Variants in PRIM2 observed in about 807,000 individuals in gnomAD.
PRIM2 encodes DNA primase subunit 2.
In PRIM2, 39 loss-of-function variants were observed where a neutral mutation model predicts 67.3. The ratio of observed to expected loss-of-function variants is 0.58; its 90% confidence interval spans 0.45 to 0.76. PRIM2 has a LOEUF of 0.76. PRIM2 is among the 30% of genes least tolerant of loss of function. PRIM2 has a pLI of 0.00. For missense variants in PRIM2, 398 were observed against 598.7 expected, an observed-to-expected ratio of 0.66 and a Z score of 3.50; for synonymous variants, 143 against 198.7, an observed-to-expected ratio of 0.72 and a Z score of 2.36.
chr6:57,620,195 C>G (rs1776826945), intron 12 of PRIM2, among the ~76,000 whole-genome samples: 1 of 151,364 alleles, frequency 6.6e-6, no homozygotes, highest in Non-Finnish European at 1.5e-5. Context: ...GACTCCATCT[C>G]AAAAAAAAGA....
chr6:57,446,730 G>T (rs1772380328), intron 7 of PRIM2, among the ~76,000 whole-genome samples: 2 of 152,134 alleles, frequency 1.3e-5, no homozygotes, highest in African/African-American at 4.8e-5. Context: ...CCTGTGTAAG[G>T]ATTGGGAATG....
At chr6:57,431,777 C>T (rs62401705) in intron 7 of PRIM2, among the ~76,000 whole-genome samples, 1 of 152,136 alleles carries the variant, frequency 6.6e-6, no homozygotes, top group Non-Finnish European at 1.5e-5. Flanking sequence ...ATATTGTGGC[C>T]TAGGTCTAGT....
the PRIM2 span, among the ~76,000 whole-genome samples, chr6:57,279,075 T>G: frequency 6.6e-6 from 1 of 152,222 alleles, no homozygotes; most frequent in South Asian, 2.1e-4. Context: ...GCTTATAGTG[T>G]TCATTCTCCT....
intron 10 of PRIM2, among the ~76,000 whole-genome samples, chr6:57,550,252 A>C (rs1255596628): frequency 6.6e-6 from 1 of 152,194 alleles, no homozygotes; most frequent in South Asian, 2.1e-4. Context: ...TCTCTTATAA[A>C]TATTTTGGTG....
At chr6:57,574,098 T>C (rs1402989187) in intron 10 of PRIM2, among the ~76,000 whole-genome samples, 2 of 152,176 alleles carry the variant, frequency 1.3e-5, no homozygotes, top group Admixed American at 1.3e-4. Context: ...CAGCCTCCGA[T>C]TGGCCATGAG....
chr6:57,585,171 G>A (rs1159666659), intron 10 of PRIM2, among the ~76,000 whole-genome samples: 10 of 152,140 alleles, frequency 6.6e-5, no homozygotes, highest in Admixed American at 6.6e-4. Context: ...TGAAGAAGCT[G>A]GAGGCAAAAT....
At chr6:57,320,076 A>T (rs1767600396) in intron 2 of PRIM2, among the ~76,000 whole-genome samples, 1 of 152,170 alleles carries the variant, frequency 6.6e-6, no homozygotes, top group South Asian at 2.1e-4. Context: ...TTTCTGTTGA[A>T]TCTATGCCAA....
intron 5 of PRIM2, among the ~76,000 whole-genome samples, chr6:57,332,367 A>G (rs1768081016): frequency 6.6e-6 from 1 of 152,134 alleles, no homozygotes; most frequent in South Asian, 2.1e-4. Context: ...TGTTCTGTAG[A>G]TACAGTCTGT....
chr6:57,343,190 A>G (rs1181085125), intron 5 of PRIM2, among the ~76,000 whole-genome samples: 1 of 152,140 alleles, frequency 6.6e-6, no homozygotes, highest in Non-Finnish European at 1.5e-5. Flanking sequence ...TTGGCCTTAA[A>G]TAGTCATAGT....
chr6:57,240,194 C>T, the PRIM2 span, among the ~76,000 whole-genome samples: 2 of 147,640 alleles, frequency 1.4e-5, no homozygotes, highest in African/African-American at 2.5e-5. Context: ...CTCTGCCTCC[C>T]GGGTTCAAGC....
intron 5 of PRIM2, among the ~76,000 whole-genome samples, chr6:57,377,634 A>G (rs1469060553): frequency 1.3e-5 from 2 of 152,100 alleles, no homozygotes; most frequent in Non-Finnish European, 2.9e-5. Flanking sequence ...TTCATCCTCA[A>G]GTAATTGTTC....
At chr6:57,642,435 CTTTTTTTT>C (rs1156576933) in intron 13 of PRIM2, among the ~76,000 whole-genome samples, 11,775 of 83,668 alleles carry the variant, frequency 0.14, 605 homozygotes, top group Middle Eastern at 0.28. Flanking sequence ...AATATTATAT[CTTTTTTTT>C]TTTTTTTTTT....
the PRIM2 span, among the ~76,000 whole-genome samples, chr6:57,296,966 T>G: frequency 6.6e-6 from 1 of 151,992 alleles, no homozygotes; most frequent in Non-Finnish European, 1.5e-5. Context: ...TTGGGCATAA[T>G]TTAAACAAAA....
intron 7 of PRIM2, among the ~76,000 whole-genome samples, chr6:57,416,753 G>T (rs1377891405): frequency 6.6e-6 from 1 of 152,082 alleles, no homozygotes; most frequent in African/African-American, 2.4e-5. Flanking sequence ...ATGTTATAGA[G>T]ATGGCTGCTC....
chr6:57,315,650 A>C (rs1281297876), upstream of PRIM2, among the ~76,000 whole-genome samples: 2 of 152,044 alleles, frequency 1.3e-5, no homozygotes, highest in African/African-American at 2.4e-5. Flanking sequence ...TTTGTGTCTT[A>C]GGATTTTTTT....
chr6:57,272,788 T>C, the PRIM2 span, among the ~76,000 whole-genome samples: 11 of 152,210 alleles, frequency 7.2e-5, no homozygotes, highest in Non-Finnish European at 1.5e-4. Flanking sequence ...CCATGTTTAG[T>C]GCTTCCTTCA....
chr6:57,446,280 GTTTTTTTTGTTTTT>G (rs1772360070), intron 7 of PRIM2, among the ~76,000 whole-genome samples: 1 of 107,838 alleles, frequency 9.3e-6, no homozygotes, highest in East Asian at 2.3e-4. Flanking sequence ...ATGAGTAACT[GTTTTTTTTGTTTTT>G]TTTTTTTTTA....
chr6:57,538,610 T>A (rs1336797840), intron 10 of PRIM2, among the ~76,000 whole-genome samples: 1 of 152,202 alleles, frequency 6.6e-6, no homozygotes, highest in Non-Finnish European at 1.5e-5. Context: ...CTTTATTATG[T>A]TTTATGTTAG....
chr6:57,408,848 TTA>T (rs561067189), intron 7 of PRIM2, among the ~76,000 whole-genome samples: 71 of 151,976 alleles, frequency 4.7e-4, no homozygotes, highest in African/African-American at 1.7e-3. Flanking sequence ...GTAGCTAGGA[TTA>T]TAGGTGCATA....
Sources: allele counts gnomAD v4.1 joint callset (sites outside exome capture counted in the v4.1 genomes callset), GRCh38; gene constraint gnomAD v4.1.1; transcripts MANE v1.5; gene names NCBI Gene and HGNC (gene_info 2026-07-23, HGNC 2026-07-21).